Variants in SDK1 observed in about 807,000 individuals in gnomAD.
The protein encoded by SDK1 is protein sidekick-1.
Under a neutral mutation model 245.5 loss-of-function variants are expected in SDK1, and 157 were observed. That is an observed-to-expected ratio of 0.64 (90% CI 0.56 to 0.73). The LOEUF (loss-of-function observed/expected upper bound fraction) is 0.73, where lower values mean the gene tolerates loss of function less well. Ranked by LOEUF, SDK1 falls within the 30% of genes least tolerant of loss-of-function variation. The pLI is 0.00. For missense variants in SDK1, 3,583 were observed against 3,002.3 expected (o/e 1.19, Z -4.52); for synonymous variants, 1,647 against 1,278.5 (o/e 1.29, Z -6.15).
intron 1 of SDK1, among the ~76,000 whole-genome samples, chr7:3,495,905 C>G (rs1032840168): frequency 1.3e-5 from 2 of 152,186 alleles, no homozygotes; most frequent in African/African-American, 2.4e-5. Flanking sequence ...TAACGAAGAT[C>G]TGTTTCACAC....
intron 1 of SDK1, among the ~76,000 whole-genome samples, chr7:3,314,756 A>C (rs1234436982): frequency 6.6e-6 from 1 of 152,202 alleles, no homozygotes; most frequent in Non-Finnish European, 1.5e-5. Flanking sequence ...TAGCAATTAA[A>C]ATATTATAAT....
intron 1 of SDK1, among the ~76,000 whole-genome samples, chr7:3,596,402 G>C (rs189684161): frequency 1.4e-3 from 219 of 152,344 alleles, no homozygotes; most frequent in Non-Finnish European, 2.6e-3. Flanking sequence ...ACTGAGGAAA[G>C]TGTGTCTCCA....
At chr7:4,004,961 C>A (rs1316297408) in intron 14 of SDK1, among the ~76,000 whole-genome samples, 2 of 151,258 alleles carry the variant, frequency 1.3e-5, no homozygotes, top group East Asian at 3.9e-4. Flanking sequence ...GGGCAGAGTC[C>A]ATGACAGTTG....
intron 5 of SDK1, among the ~76,000 whole-genome samples, chr7:3,887,416 A>G (rs1781362501): frequency 6.6e-6 from 1 of 152,140 alleles, no homozygotes; most frequent in South Asian, 2.1e-4. Context: ...GTATTAGTGA[A>G]CATGGAAAGC....
At chr7:4,062,074 T>G (rs916068442) in intron 19 of SDK1, among the ~76,000 whole-genome samples, 25 of 151,672 alleles carry the variant, frequency 1.6e-4, no homozygotes, top group African/African-American at 5.6e-4. Flanking sequence ...ATGGCACATG[T>G]ATACATATGT....
At chr7:3,661,698 G>A (rs1783361654) in intron 4 of SDK1, among the ~76,000 whole-genome samples, 1 of 152,164 alleles carries the variant, frequency 6.6e-6, no homozygotes, top group South Asian at 2.1e-4. Context: ...GAATATATAT[G>A]ATTTGGAAAA....
intron 41 of SDK1, among the ~76,000 whole-genome samples, chr7:4,235,324 C>T (rs367940202): frequency 2.6e-5 from 4 of 152,156 alleles, no homozygotes; most frequent in South Asian, 2.1e-4. Context: ...CCACCACGCC[C>T]GGCTAATTTT....
At chr7:3,955,173 C>G (rs954867712) in intron 7 of SDK1, among the ~76,000 whole-genome samples, 2 of 152,182 alleles carry the variant, frequency 1.3e-5, no homozygotes, top group African/African-American at 2.4e-5. Flanking sequence ...GACTCTTTAC[C>G]TGGTGGGGCA....
At chr7:4,226,268 A>G (rs147403725) in intron 40 of SDK1, among the ~76,000 whole-genome samples, 1 of 152,314 alleles carries the variant, frequency 6.6e-6, no homozygotes, top group African/African-American at 2.4e-5. Context: ...GGTATCTGGG[A>G]GACGGGCACT....
chr7:3,636,647 A>G (rs1394862028), intron 2 of SDK1, among the ~76,000 whole-genome samples: 1 of 152,138 alleles, frequency 6.6e-6, no homozygotes, highest in East Asian at 1.9e-4. Flanking sequence ...CTAATTGTGG[A>G]TAATGCTGCA....
At chr7:3,314,930 C>A (rs921986834) in intron 1 of SDK1, among the ~76,000 whole-genome samples, 2 of 151,796 alleles carry the variant, frequency 1.3e-5, no homozygotes, top group African/African-American at 4.8e-5. Flanking sequence ...CTCATTTGGC[C>A]TGTGAATTGT....
chr7:4,258,684 C>T lies in SDK1; in HGVS notation c.6382-6440C>T, dbSNP rs186478558. On this transcript the variant is annotated intron_variant, in intron 44 of 44. Coordinates refer to ENST00000404826, the MANE Select transcript of SDK1 (RefSeq NM_152744.4). Reference sequence around the variant, plus strand: ...GATGTTGATTGTTTCAGACCCAAGACGAGGAAATTGAATCCAGTCACCACT... The same window carrying T: ...GATGTTGATTGTTTCAGACCCAAGATGAGGAAATTGAATCCAGTCACCACT... Among the ~76,000 whole-genome samples the T allele has an allele frequency of 5.5e-3, 836 of 152,222 alleles. 11 individuals carry two copies. The highest frequency in any genetic ancestry group is 0.019 in the African/African-American group (789 of 41,528).
intron 1 of SDK1, among the ~76,000 whole-genome samples, chr7:3,491,898 A>G (rs1265873068): frequency 6.6e-6 from 1 of 152,220 alleles, no homozygotes; most frequent in Non-Finnish European, 1.5e-5. Context: ...AGTAATTAAC[A>G]TTGGTAACAG....
intron 1 of SDK1, among the ~76,000 whole-genome samples, chr7:3,566,231 T>TC (rs1175722387): frequency 6.7e-6 from 1 of 149,142 alleles, no homozygotes; most frequent in African/African-American, 2.5e-5. Flanking sequence ...CTTCTTTTTT[T>TC]TTTTTTTTTT....
At chr7:3,804,507 T>C (rs1005051759) in intron 4 of SDK1, among the ~76,000 whole-genome samples, 3 of 152,220 alleles carry the variant, frequency 2.0e-5, no homozygotes, top group Non-Finnish European at 4.4e-5. Context: ...GACTTATTCC[T>C]CCCACTTTTT....
chr7:4,164,772 G>A (rs770885542), intron 32 of SDK1, among the ~76,000 whole-genome samples: 5 of 152,290 alleles, frequency 3.3e-5, no homozygotes, highest in South Asian at 2.1e-4. Flanking sequence ...GCTCAGGGAC[G>A]TGCCTAGTGC....
chr7:3,522,486 A>G (rs551383087), intron 1 of SDK1, among the ~76,000 whole-genome samples: 12 of 152,292 alleles, frequency 7.9e-5, no homozygotes, highest in African/African-American at 2.9e-4. Flanking sequence ...GCATAAAATA[A>G]ATACTTGGGA....
At chr7:3,524,940 G>A (rs1193276120) in intron 1 of SDK1, among the ~76,000 whole-genome samples, 1 of 152,096 alleles carries the variant, frequency 6.6e-6, no homozygotes, top group Admixed American at 6.6e-5. Flanking sequence ...GATTACAATT[G>A]ACCTCCCCAT....
At chr7:3,353,473 C>G (rs1009833338) in intron 1 of SDK1, among the ~76,000 whole-genome samples, 1 of 152,076 alleles carries the variant, frequency 6.6e-6, no homozygotes, top group African/African-American at 2.4e-5. Flanking sequence ...ACATTTATAC[C>G]ACTCCTGGGA....
Sources: gnomAD v4.1 joint callset for allele counts (sites outside exome capture counted in the v4.1 genomes callset) on GRCh38, gnomAD v4.1.1 for gene constraint, MANE v1.5 for transcripts, NCBI Gene and HGNC (gene_info 2026-07-23, HGNC 2026-07-21) for gene names.